The following OR5A2 variants were observed in gnomAD, a reference collection of about 807,000 sequenced individuals.
OR5A2 encodes the protein olfactory receptor 5A2.
For synonymous variants in OR5A2, 155 were observed against 151.1 expected, an observed-to-expected ratio of 1.03 and a Z score of -0.19; for missense variants, 406 against 398.9, an observed-to-expected ratio of 1.02 and a Z score of -0.15.
rs1858186245 is a variant in OR5A2, at chr11:59,418,691, T to G, written c.*3288A>C. 1 of 152,172 alleles carries G rather than the reference T, an allele frequency of 6.6e-6. No homozygotes were observed. Among genetic ancestry groups the G allele is most frequent in the South Asian group, 2.1e-4 (1 of 4,822 alleles). The allele number at this position is 152,172 out of a possible 1,614,324, so 9.4% of individuals were successfully genotyped here. On this transcript the variant is annotated 3_prime_UTR_variant, in exon 2 of 2. Transcript: ENST00000302040. The stretch of plus-strand genomic sequence containing the variant: ...TCAAGTCTTACAACCAATCTCCATC[T>G]TATGTATTACAATTAATGCATATTA...
rs1174545535 is a variant in OR5A2 at position 59,420,157 on chromosome 11, A to G, written c.*1822T>C. 1 of 152,158 alleles carries G rather than the reference A, an allele frequency of 6.6e-6. No individual in the cohort carries two copies. The highest frequency in any genetic ancestry group is 1.5e-5 in the Non-Finnish European group (1 of 68,028). 9.4% of individuals were successfully genotyped at this position (152,158 alleles called of 1,614,324 possible). A position where few individuals can be genotyped will look rare whatever the true frequency, so the allele number is the denominator to read the frequency against. On this transcript the variant is annotated 3_prime_UTR_variant, in exon 2 of 2. Transcript: ENST00000302040. ...CCCCTTAGAAAGGAATTTGGGCAAGATAAAAAAAATCAGAGCTTAGTCCTC... is the reference window on the plus strand; with the variant it reads ...CCCCTTAGAAAGGAATTTGGGCAAGGTAAAAAAAATCAGAGCTTAGTCCTC...
Position 59,419,640 on chromosome 11 carries a change from G to A in OR5A2, c.*2339C>T, listed in dbSNP as rs375543611. On this transcript the variant is annotated 3_prime_UTR_variant, in exon 2 of 2. Coordinates refer to ENST00000302040, the MANE Select transcript of OR5A2 (RefSeq NM_001001954.2). ...ATACATTGGTTTCGTTCAGAAAGGC[G>A]GGACAACTCAAATTGGAGACTTCCA... is the stretch of plus-strand genomic sequence containing the variant. The A allele has an allele frequency of 2.0e-5, 3 of 152,074 alleles. No homozygotes were observed. The highest frequency in any genetic ancestry group is 4.4e-5 in the Non-Finnish European group (3 of 68,012). 9.4% of individuals were successfully genotyped at this position (152,074 alleles called of 1,614,324 possible).
At position 59,420,299 on chromosome 11, in the gene OR5A2, T is replaced by A. The variant is rs1411930922; in HGVS notation, c.*1680A>T. ...GATCCAATGACTTAAAAGTGAATAT[T>A]CTTAACCCTCTTTGCAAAAGTCCCT... On this transcript the variant is annotated 3_prime_UTR_variant, in exon 2 of 2. Coordinates refer to ENST00000302040, the MANE Select transcript of OR5A2 (RefSeq NM_001001954.2). The A allele has an allele frequency of 6.6e-6, 1 of 152,136 alleles. No homozygotes were observed. The highest frequency in any genetic ancestry group is 2.4e-5 in the African/African-American group (1 of 41,436). The allele number at this position is 152,136 out of a possible 1,614,324, so 9.4% of individuals were successfully genotyped here.
Position 59,422,933 on chromosome 11 carries a change from G to A in OR5A2, c.21C>T (p.Asn7=). Residue 7 remains asparagine, a synonymous_variant, in exon 2 of 2, where the codon AAC becomes AAT. Transcript: ENST00000302040. MAVGRN[N]TIVTKFILLG... ...GGAGAATGAATTTTGTCACAATTGT[G>A]TTGTTCCTTCCTACAGCCATAGGCC... 3 of 1,613,638 alleles carry A rather than the reference G, an allele frequency of 1.9e-6. No individual in the cohort carries two copies. Among genetic ancestry groups the A allele is most frequent in the Non-Finnish European group, 2.5e-6 (3 of 1,179,682 alleles).
Position 59,419,668 on chromosome 11 carries a change from C to G in OR5A2, c.*2311G>C, listed in dbSNP as rs1434658732. On this transcript the variant is annotated 3_prime_UTR_variant, in exon 2 of 2. Transcript: ENST00000302040. ...ACAACTCAAATTGGAGACTTCCAGG[C>G]TATGGGTAAATTTAAACATTTTCTG... 2 of 152,072 alleles carry G rather than the reference C, an allele frequency of 1.3e-5. No individual in the cohort carries two copies. The highest frequency in any genetic ancestry group is 2.1e-4 in the South Asian group (1 of 4,820). The allele number at this position is 152,072 out of a possible 1,614,324, so 9.4% of individuals were successfully genotyped here.
chr11:59,422,174 G>A lies in OR5A2; in HGVS notation c.780C>T (p.Tyr260=). 1 of 1,614,112 alleles carries A rather than the reference G, an allele frequency of 6.2e-7. No homozygotes were observed. The highest frequency in any genetic ancestry group is 8.5e-7 in the Non-Finnish European group (1 of 1,179,982). ...GGGAGTAGCTGGAACTGGGTCGCAT[G>A]TACATGAAGAATCCAGAACCATAGA... The part of the protein sequence containing the change: ...TLFYGSGFFM[Y]MRPSSSYSLN... The change falls in exon 2 of 2, where the codon TAC becomes TAT. Residue 260 remains tyrosine (Y), a synonymous_variant. Transcript: ENST00000302040.
chr11:59,422,454 T>C lies in OR5A2; in HGVS notation c.500A>G (p.His167Arg). 6.2e-7 allele frequency: 1 copy of C among 1,614,138 alleles called. No individual in the cohort carries two copies. Among genetic ancestry groups the C allele is most frequent in the Non-Finnish European group, 8.5e-7 (1 of 1,180,018 alleles). ...GATCATATAGGGCCCACAGAAATCA[T>C]GCTGATAGACAGAGTATGTTTCAAT... is the stretch of plus-strand genomic sequence containing the variant. ...SFIETYSVYQHDFCGPYMINH... is the reference protein window; with the variant it reads ...SFIETYSVYQRDFCGPYMINH... Residue 167 changes from histidine (H) to arginine (R), a missense_variant, in exon 2 of 2, where the codon CAT (histidine) becomes CGT (arginine). Coordinates refer to ENST00000302040, the MANE Select transcript of OR5A2 (RefSeq NM_001001954.2).
chr11:59,423,257 C>G (rs901589957), intron 1 of OR5A2: 1 of 270,526 alleles, frequency 3.7e-6, no homozygotes, highest in African/African-American at 2.2e-5. Flanking sequence ...TCATAACTTG[C>G]TGAGGACTTT....
rs370151969 is a variant in OR5A2, at chr11:59,422,366, G to A, written c.588C>T (p.Ser196=). The part of the protein sequence containing the change: ...LALSCSDTFT[S]EVVTFIVSVV... ...CACTGACTATGAAGGTCACCACCTC[G>A]CTGGTGAAGGTATCAGAGCAGGACA... is the stretch of plus-strand genomic sequence containing the variant. The change falls in exon 2 of 2, where the codon AGC becomes AGT. Residue 196 remains serine (S), a synonymous_variant. Coordinates refer to ENST00000302040, the MANE Select transcript of OR5A2 (RefSeq NM_001001954.2). 1.9e-5 allele frequency: 31 copies of A among 1,614,006 alleles called. No homozygotes were observed. The highest frequency in any genetic ancestry group is 1.9e-4 in the African/African-American group (14 of 74,914).
At chr11:59,423,900 G>A (rs1242770894) in intron 1 of OR5A2, 1 of 152,156 alleles carries the variant, frequency 6.6e-6, no homozygotes, top group Admixed American at 6.5e-5. Context: ...TGACTGAGAT[G>A]GGCTGAGCCA....
At chr11:59,424,542 C>T (rs567140350) in intron 1 of OR5A2, 3 of 152,082 alleles carry the variant, frequency 2.0e-5, no homozygotes, top group East Asian at 1.9e-4. Context: ...GAGCCATGAC[C>T]ATGACTGTGC....
chr11:59,422,340 A>G lies in OR5A2; in HGVS notation c.614T>C (p.Val205Ala), dbSNP rs749875239. Reference protein sequence around the residue: ...TSEVVTFIVSVVVGIVSVLVV... With the variant: ...TSEVVTFIVSAVVGIVSVLVV... The stretch of plus-strand genomic sequence containing the variant: ...TAGCACAGACACTATTCCAACGACA[A>G]CACTGACTATGAAGGTCACCACCTC... The change falls in exon 2 of 2, where the codon GTT (valine) becomes GCT (alanine). Residue 205 changes from valine (V) to alanine (A), a missense_variant. Coordinates refer to ENST00000302040, the MANE Select transcript of OR5A2 (RefSeq NM_001001954.2). 2.5e-6 allele frequency: 4 copies of G among 1,614,120 alleles called. No individual in the cohort carries two copies. Among genetic ancestry groups the G allele is most frequent in the Admixed American group, 1.7e-5 (1 of 60,010 alleles).
rs1858190154 is a variant in OR5A2, at chr11:59,418,975, C to A, written c.*3004G>T. The stretch of plus-strand genomic sequence containing the variant: ...GTTAATTGTGTCGCTTCAATGACTA[C>A]CATTTTGAAAATTGATAAACTGAAG... On this transcript the variant is annotated 3_prime_UTR_variant, in exon 2 of 2. Transcript: ENST00000302040. The A allele has an allele frequency of 6.6e-6, 1 of 151,972 alleles. No individual in the cohort carries two copies. The highest frequency in any genetic ancestry group is 1.5e-5 in the Non-Finnish European group (1 of 67,996). 9.4% of individuals were successfully genotyped at this position (151,972 alleles called of 1,614,324 possible). A position where few individuals can be genotyped will look rare whatever the true frequency, so the allele number is the denominator to read the frequency against.
At position 59,418,641 on chromosome 11, in the gene OR5A2, T is replaced by C. The variant is rs1327957428; in HGVS notation, c.*3338A>G. On this transcript the variant is annotated 3_prime_UTR_variant, in exon 2 of 2. Coordinates refer to ENST00000302040, the MANE Select transcript of OR5A2 (RefSeq NM_001001954.2). ...ACTTGTTTAGGAAATATTTAACATGTGGCTTACTGTATACCCCCAAACATT... is the reference window on the plus strand; with the variant it reads ...ACTTGTTTAGGAAATATTTAACATGCGGCTTACTGTATACCCCCAAACATT... 1.3e-5 allele frequency: 2 copies of C among 152,110 alleles called. No homozygotes were observed. Among genetic ancestry groups the C allele is most frequent in the Non-Finnish European group, 2.9e-5 (2 of 68,018 alleles). 9.4% of individuals were successfully genotyped at this position (152,110 alleles called of 1,614,324 possible). A position where few individuals can be genotyped will look rare whatever the true frequency, so the allele number is the denominator to read the frequency against.
In OR5A2 at chr11:59,422,686, G is replaced by C. The variant is rs1297900818; in HGVS notation, c.268C>G (p.Gln90Glu). ...CAGCCAACAAAGGAAATGGTTTTCT[G>C]CTCTGTGATGATGTCAGACAGCATC... ...PKMLSDIITE[Q>E]KTISFVGCAT... is the part of the protein sequence containing the mutation. Residue 90 changes from glutamine (Q) to glutamate (E), a missense_variant, in exon 2 of 2, where the codon CAG (glutamine) becomes GAG (glutamate). By Grantham distance (29) the Gln-to-Glu change is conservative. Transcript: ENST00000302040. 1 of 1,614,070 alleles carries C rather than the reference G, an allele frequency of 6.2e-7. No individual in the cohort carries two copies. The highest frequency in any genetic ancestry group is 8.5e-7 in the Non-Finnish European group (1 of 1,180,036).
rs1351036194 is a variant in OR5A2 at position 59,422,173 on chromosome 11, T to C, written c.781A>G (p.Met261Val). The change falls in exon 2 of 2, where the codon ATG becomes GTG. Residue 261 changes from methionine to valine, a missense_variant. Met to Val is a conservative substitution (Grantham distance 21). Coordinates refer to ENST00000302040, the MANE Select transcript of OR5A2 (RefSeq NM_001001954.2). Reference sequence around the variant, plus strand: ...AGGGAGTAGCTGGAACTGGGTCGCATGTACATGAAGAATCCAGAACCATAG... The same window carrying C: ...AGGGAGTAGCTGGAACTGGGTCGCACGTACATGAAGAATCCAGAACCATAG... ...LFYGSGFFMY[M>V]RPSSSYSLNR... 5 of 1,614,124 alleles carry C rather than the reference T, an allele frequency of 3.1e-6. No individual in the cohort carries two copies. Among genetic ancestry groups the C allele is most frequent in the Non-Finnish European group, 4.2e-6 (5 of 1,179,988 alleles).
chr11:59,423,061 A>G lies in OR5A2; in HGVS notation c.-91-17T>C. ...GGGTATTTCCTAGAAGATCATACAAACAGTCAGCAACAAGTTAAACTACAC... is the reference window on the plus strand; with the variant it reads ...GGGTATTTCCTAGAAGATCATACAAGCAGTCAGCAACAAGTTAAACTACAC... On this transcript the variant is annotated splice_polypyrimidine_tract_variant and intron_variant, in intron 1 of 1. Coordinates refer to ENST00000302040, the MANE Select transcript of OR5A2 (RefSeq NM_001001954.2). 2.0e-6 allele frequency: 2 copies of G among 986,950 alleles called. No homozygotes were observed. The highest frequency in any genetic ancestry group is 3.0e-6 in the Non-Finnish European group (2 of 672,946). The allele number at this position is 986,950 out of a possible 1,614,324, so 61.1% of individuals were successfully genotyped here. A position where few individuals can be genotyped will look rare whatever the true frequency, so the allele number is the denominator to read the frequency against.
In OR5A2 at chr11:59,419,319, G is replaced by A. The variant is rs183692846; in HGVS notation, c.*2660C>T. The A allele has an allele frequency of 6.6e-6, 1 of 152,228 alleles. No homozygotes were observed. Among genetic ancestry groups the A allele is most frequent in the Admixed American group, 6.5e-5 (1 of 15,282 alleles). 9.4% of individuals were successfully genotyped at this position (152,228 alleles called of 1,614,324 possible). A position where few individuals can be genotyped will look rare whatever the true frequency, so the allele number is the denominator to read the frequency against. On this transcript the variant is annotated 3_prime_UTR_variant, in exon 2 of 2. Coordinates refer to ENST00000302040, the MANE Select transcript of OR5A2 (RefSeq NM_001001954.2). ...TTATATAAAACTGAGTAAAAATATT[G>A]ACTAATAATGTAAGCTAACCTGTAC...
In OR5A2 at chr11:59,417,972, C is replaced by T. The variant is rs540454439; in HGVS notation, c.*4007G>A. On this transcript the variant is annotated 3_prime_UTR_variant, in exon 2 of 2. Transcript: ENST00000302040. ...AATCAGCCCGTGGTTTCACTACGCA[C>T]TCTCTGTGTGTAAATTGTGTCACAG... 1 of 152,188 alleles carries T rather than the reference C, an allele frequency of 6.6e-6. No homozygotes were observed. The highest frequency in any genetic ancestry group is 1.5e-5 in the Non-Finnish European group (1 of 67,986). 9.4% of individuals were successfully genotyped at this position (152,188 alleles called of 1,614,324 possible).
Sources: allele counts gnomAD v4.1 joint callset, GRCh38; gene constraint gnomAD v4.1.1; transcripts MANE v1.5; gene names NCBI Gene and HGNC (gene_info 2026-07-23, HGNC 2026-07-21).